RALGAPA1: variants seen among roughly 807,000 people sequenced by gnomAD.
RALGAPA1 encodes Ral GTPase activating protein catalytic subunit alpha 1, also known as ral GTPase-activating protein subunit alpha-1.
In RALGAPA1, 52 loss-of-function variants were observed where a neutral mutation model predicts 269.6. The observed-to-expected ratio is 0.19, with a 90% CI of 0.15 to 0.24. RALGAPA1 has a LOEUF of 0.24. Ranked by LOEUF, RALGAPA1 falls within the 10% of genes least tolerant of loss-of-function variation. RALGAPA1 has a pLI of 1.00. For missense variants in RALGAPA1, 1,917 were observed against 3,013.9 expected (o/e 0.64, Z 8.52); for synonymous variants, 817 against 1,008.3 (o/e 0.81, Z 3.60).
chr14:35,697,278 G>A (rs1467425301), intron 17 of RALGAPA1, among the ~76,000 whole-genome samples: 4 of 152,136 alleles, frequency 2.6e-5, no homozygotes, highest in African/African-American at 9.7e-5. Flanking sequence ...TGTGTACTTG[G>A]AAAGGTGTTC....
chr14:35,712,597 C>G (rs1360023291), intron 16 of RALGAPA1, among the ~76,000 whole-genome samples: 2 of 152,200 alleles, frequency 1.3e-5, no homozygotes, highest in African/African-American at 4.8e-5. Flanking sequence ...TGGCTTCAAA[C>G]TCTTGGGCTC....
At chr14:35,687,042 G>C (rs2066000439) in intron 18 of RALGAPA1, among the ~76,000 whole-genome samples, 1 of 152,012 alleles carries the variant, frequency 6.6e-6, no homozygotes, top group African/African-American at 2.4e-5. Context: ...ACGTTTGCAG[G>C]GAATACATCC....
At chr14:35,591,514 G>A (rs1456799623) in intron 37 of RALGAPA1, among the ~76,000 whole-genome samples, 1 of 152,054 alleles carries the variant, frequency 6.6e-6, no homozygotes, top group Non-Finnish European at 1.5e-5. Context: ...GTCTTGCTAT[G>A]TTACTCAGGT....
Position 35,689,842 on chromosome 14 carries a change from C to T in RALGAPA1, c.2569G>A (p.Ala857Thr), listed in dbSNP as rs937681178. Residue 857 changes from alanine to threonine, a missense_variant, in exon 18 of 42, where the codon GCC becomes ACC. Coordinates refer to ENST00000680220, the MANE Select transcript of RALGAPA1 (RefSeq NM_001346249.2). ...DILEPFTVER[A>T]KGAVPVIDSS... The stretch of plus-strand genomic sequence containing the variant: ...TCAATGACAGGAACTGCACCTTTGG[C>T]TCGTTCAACAGTGAATGGTTCCAAG... 1.9e-6 allele frequency: 3 copies of T among 1,597,226 alleles called. No homozygotes were observed. The African/African-American group carries it at 4.1e-5, about 22-fold the overall frequency.
chr14:35,775,726 A>G lies in RALGAPA1; in HGVS notation c.126T>C (p.Asp42=). 3 of 1,557,998 alleles carry G rather than the reference A, an allele frequency of 1.9e-6. No homozygotes were observed. Among genetic ancestry groups the G allele is most frequent in the Non-Finnish European group, 2.6e-6 (3 of 1,159,924 alleles). Reference sequence around the variant, plus strand: ...AATGTTGGTCGAAAAACTGTTTAAGATCAATAGATTCTGCATTCTCTGAAA... The same window carrying G: ...AATGTTGGTCGAAAAACTGTTTAAGGTCAATAGATTCTGCATTCTCTGAAA... The part of the protein sequence containing the change: ...RIVIENAESI[D]LKQFFDQHFS... The change falls in exon 2 of 42, where the codon GAT becomes GAC. Residue 42 remains aspartate (D), a synonymous_variant. Transcript: ENST00000680220.
intron 41 of RALGAPA1, among the ~76,000 whole-genome samples, chr14:35,545,012 A>G (rs937159123): frequency 1.3e-5 from 2 of 152,108 alleles, no homozygotes; most frequent in African/African-American, 4.8e-5. Context: ...GCGCCACTGC[A>G]CTCCAGCCTC....
intron 37 of RALGAPA1, among the ~76,000 whole-genome samples, chr14:35,592,522 C>A (rs1036732877): frequency 2.6e-5 from 4 of 152,154 alleles, no homozygotes; most frequent in African/African-American, 9.7e-5. Flanking sequence ...CCCCTCGATC[C>A]CTAAGCTAGA....
intron 37 of RALGAPA1, among the ~76,000 whole-genome samples, chr14:35,573,247 T>A (rs2057344451): frequency 2.6e-5 from 4 of 152,184 alleles, no homozygotes; most frequent in African/African-American, 9.6e-5. Flanking sequence ...TCAGAGAGAG[T>A]TAACATTATG....
At chr14:35,673,053 A>G (rs762838391) in intron 24 of RALGAPA1, 31 bp from the exon 25 acceptor site, 1 of 1,377,560 alleles carries the variant, frequency 7.3e-7, no homozygotes, top group South Asian at 1.8e-5. Context: ...TTAATGTTCA[A>G]AAAGAAATAC....
rs568423502 is a variant in RALGAPA1 at position 35,725,675 on chromosome 14, T to C, written c.1737-522A>G. Among the ~76,000 whole-genome samples the C allele has an allele frequency of 2.6e-4, 40 of 151,182 alleles. 1 individual carries two copies. The highest frequency in any genetic ancestry group is 2.4e-3 in the Admixed American group (36 of 15,158). ...TTAATTAATAGATCACAAAGAAGCC[T>C]GGGCAACACAGCAAGCCTTGTCTCT... On this transcript the variant is annotated intron_variant, in intron 13 of 41. Coordinates refer to ENST00000680220, the MANE Select transcript of RALGAPA1 (RefSeq NM_001346249.2).
intron 36 of RALGAPA1, among the ~76,000 whole-genome samples, chr14:35,597,469 T>G (rs2058999094): frequency 6.6e-6 from 1 of 152,168 alleles, no homozygotes; most frequent in Non-Finnish European, 1.5e-5. Context: ...TCCTTTGCTG[T>G]AAACACTTCA....
At chr14:35,626,428 T>C (rs2060993213) in intron 34 of RALGAPA1, among the ~76,000 whole-genome samples, 2 of 152,186 alleles carry the variant, frequency 1.3e-5, no homozygotes, top group African/African-American at 4.8e-5. Flanking sequence ...ACATAGGAAT[T>C]AAAACCTAAA....
intron 1 of RALGAPA1, among the ~76,000 whole-genome samples, chr14:35,804,600 A>C (rs1416002265): frequency 1.5e-5 from 2 of 133,422 alleles, no homozygotes; most frequent in African/African-American, 5.3e-5. Flanking sequence ...TAAATAAATA[A>C]ATAAATAAAT....
chr14:35,583,018 G>A (rs930648281), intron 37 of RALGAPA1, among the ~76,000 whole-genome samples: 1 of 152,108 alleles, frequency 6.6e-6, no homozygotes, highest in Non-Finnish European at 1.5e-5. Flanking sequence ...ATTTACCAGA[G>A]TTCCTTTTAC....
rs533416161 is a variant in RALGAPA1 at position 35,758,371 on chromosome 14, T to C, written c.548-1463A>G. Among the ~76,000 whole-genome samples the C allele has an allele frequency of 2.6e-5, 4 of 152,094 alleles. No homozygotes were observed. The East Asian group carries it at 7.7e-4, about 29-fold the overall frequency. On this transcript the variant is annotated intron_variant, in intron 6 of 41. Transcript: ENST00000680220. ...AGAAGAACACACTTTATGAAAGCTT[T>C]ATTTTGTGAAGCTATAAAAACCCCC...
At chr14:35,808,411 A>G (rs551822598) in intron 1 of RALGAPA1, among the ~76,000 whole-genome samples, 164 of 152,324 alleles carry the variant, frequency 1.1e-3, no homozygotes, top group Non-Finnish European at 1.9e-3. Context: ...TCTGGCAAAC[A>G]TATCCTATAA....
At chr14:35,642,570 T>C (rs746547915) in intron 31 of RALGAPA1, among the ~76,000 whole-genome samples, 1 of 151,974 alleles carries the variant, frequency 6.6e-6, no homozygotes, top group Non-Finnish European at 1.5e-5. Flanking sequence ...GAAATGCAAA[T>C]CAAAACTACT....
intron 3 of RALGAPA1, among the ~76,000 whole-genome samples, chr14:35,771,410 A>G (rs1237801784): frequency 1.3e-5 from 2 of 152,112 alleles, no homozygotes; most frequent in Admixed American, 6.6e-5. Context: ...AAAACAAAAC[A>G]AAACAAACAA....
intron 17 of RALGAPA1, among the ~76,000 whole-genome samples, chr14:35,693,739 A>G (rs2066682691): frequency 6.6e-6 from 1 of 151,928 alleles, no homozygotes; most frequent in Non-Finnish European, 1.5e-5. Context: ...GGTAAAATAA[A>G]TTTAAATTTA....
Sources: allele counts gnomAD v4.1 joint callset (sites outside exome capture counted in the v4.1 genomes callset), GRCh38; gene constraint gnomAD v4.1.1; transcripts MANE v1.5; gene names NCBI Gene and HGNC (gene_info 2026-07-23, HGNC 2026-07-21).